The following GPR137C variants were observed in gnomAD, a reference collection of about 807,000 sequenced individuals.
GPR137C encodes the protein G protein-coupled receptor 137C.
GPR137C carries 27 observed loss-of-function variants against 43.4 expected under a neutral mutation model. That is an observed-to-expected ratio of 0.62 (90% CI 0.46 to 0.86). The LOEUF (loss-of-function observed/expected upper bound fraction) is 0.86, where lower values mean the gene tolerates loss of function less well. Among genes scored for constraint, GPR137C ranks in the 40% least tolerant of loss-of-function variants. The probability of loss-of-function intolerance (pLI) is 0.00; values close to 1 mark genes in which losing one functional copy is unlikely to be tolerated. For synonymous variants in GPR137C, 285 were observed against 226.9 expected, an observed-to-expected ratio of 1.26 and a Z score of -2.30; for missense variants, 522 against 534.6, an observed-to-expected ratio of 0.98 and a Z score of 0.23.
chr14:52,621,822 GCTTTTGTTTGTGTATATTATAT>G (rs2039164496), intron 3 of GPR137C, among the ~76,000 whole-genome samples: 2 of 151,416 alleles, frequency 1.3e-5, no homozygotes, highest in South Asian at 4.1e-4. Context: ...ATGCCAGAGA[GCTTTTGTTTGTGTATATTATAT>G]CTATTAATAC....
intron 2 of GPR137C, 27 bp from the exon 3 acceptor site, chr14:52,600,086 C>T: frequency 2.1e-6 from 3 of 1,401,188 alleles, no homozygotes; most frequent in Non-Finnish European, 3.0e-6. Flanking sequence ...AGTTATATAA[C>T]CATCTAATAT....
intron 1 of GPR137C, among the ~76,000 whole-genome samples, chr14:52,595,115 T>C (rs553087068): frequency 1.3e-5 from 2 of 152,318 alleles, no homozygotes; most frequent in Admixed American, 6.5e-5. Context: ...GGGTTGAAAA[T>C]TCTTTTCTTT....
intron 6 of GPR137C, among the ~76,000 whole-genome samples, chr14:52,634,701 C>CAGT (rs924686000): frequency 4.6e-5 from 7 of 152,030 alleles, no homozygotes; most frequent in Non-Finnish European, 7.4e-5. Flanking sequence ...CAAGTTCTAC[C>CAGT]AGTTCTGAGT....
In GPR137C at chr14:52,552,898, T is replaced by G. The variant is rs1194173772; in HGVS notation, c.-250T>G. Among the ~76,000 whole-genome samples the G allele has an allele frequency of 1.3e-5, 2 of 151,570 alleles. No homozygotes were observed. The highest frequency in any genetic ancestry group is 4.8e-5 in the African/African-American group (2 of 41,270). On this transcript the variant is annotated 5_prime_UTR_variant, in exon 1 of 7. Transcript: ENST00000321662. Reference sequence around the variant, plus strand: ...GCTGATTGTCTCCAGCCGAGAGTTGTTTTTTGCAGCTACGGAGCCGAGCCG... The same window carrying G: ...GCTGATTGTCTCCAGCCGAGAGTTGGTTTTTGCAGCTACGGAGCCGAGCCG...
At chr14:52,619,531 A>G (rs931378994) in intron 3 of GPR137C, among the ~76,000 whole-genome samples, 1 of 152,024 alleles carries the variant, frequency 6.6e-6, no homozygotes, top group Non-Finnish European at 1.5e-5. Flanking sequence ...CTTATTTCCT[A>G]TTCTGTTGCT....
intron 1 of GPR137C, among the ~76,000 whole-genome samples, chr14:52,577,570 G>A (rs1383944504): frequency 1.3e-5 from 2 of 149,706 alleles, no homozygotes; most frequent in Non-Finnish European, 3.0e-5. Flanking sequence ...TTGATTCTTG[G>A]CAAAGACAAA....
In GPR137C at chr14:52,591,908, G is replaced by A. The variant is rs577462284; in HGVS notation, c.445-6364G>A. 2.0e-3 allele frequency among the ~76,000 whole-genome samples: 304 copies of A among 152,262 alleles called. 2 individuals carry two copies. Among genetic ancestry groups the A allele is most frequent in the African/African-American group, 6.8e-3 (283 of 41,548 alleles). On this transcript the variant is annotated intron_variant, in intron 1 of 6. Coordinates refer to ENST00000321662, the MANE Select transcript of GPR137C (RefSeq NM_001099652.2). ...TTATGAAGTCTTTGCCCATGCCTAC[G>A]TCCTGAATGGTATTGCCTAGGTTTT...
chr14:52,587,596 C>T (rs1356953739), intron 1 of GPR137C, among the ~76,000 whole-genome samples: 1 of 152,130 alleles, frequency 6.6e-6, no homozygotes, highest in Admixed American at 6.6e-5. Flanking sequence ...CATGGTGAAA[C>T]CCTTTTCTAC....
At chr14:52,554,527 T>C (rs2038162702) in intron 1 of GPR137C, among the ~76,000 whole-genome samples, 1 of 152,114 alleles carries the variant, frequency 6.6e-6, no homozygotes, top group South Asian at 2.1e-4. Context: ...ATTTAAGCCA[T>C]AATATTTTAA....
chr14:52,580,499 C>T (rs2038627715), intron 1 of GPR137C, among the ~76,000 whole-genome samples: 1 of 152,010 alleles, frequency 6.6e-6, no homozygotes, highest in African/African-American at 2.4e-5. Context: ...GTAGCTGGGA[C>T]TGGAGGTGTG....
chr14:52,568,803 T>A (rs978543075), intron 1 of GPR137C, among the ~76,000 whole-genome samples: 1 of 152,144 alleles, frequency 6.6e-6, no homozygotes, highest in African/African-American at 2.4e-5. Flanking sequence ...GTCAGGGGCT[T>A]ATAGAGAAAA....
intron 1 of GPR137C, among the ~76,000 whole-genome samples, chr14:52,570,986 G>A (rs1043375405): frequency 6.6e-6 from 1 of 152,138 alleles, no homozygotes; most frequent in Non-Finnish European, 1.5e-5. Flanking sequence ...GAACCAAGCA[G>A]ACCTAATAGA....
At chr14:52,557,645 A>C (rs865898222) in intron 1 of GPR137C, among the ~76,000 whole-genome samples, 1 of 152,230 alleles carries the variant, frequency 6.6e-6, no homozygotes, top group Non-Finnish European at 1.5e-5. Context: ...TCAGATACAT[A>C]CCTGTAACAA....
chr14:52,564,745 G>T (rs2038340725), intron 1 of GPR137C, among the ~76,000 whole-genome samples: 1 of 152,142 alleles, frequency 6.6e-6, no homozygotes, highest in Non-Finnish European at 1.5e-5. Flanking sequence ...TGTTCTTGCT[G>T]TATTAGGTAT....
intron 3 of GPR137C, among the ~76,000 whole-genome samples, 183 bp from the exon 4 acceptor site, chr14:52,631,977 A>G (rs552832169): frequency 6.6e-6 from 1 of 151,874 alleles, no homozygotes; most frequent in East Asian, 1.9e-4. Context: ...AAACTTACAC[A>G]TATTAAACAC....
chr14:52,568,022 G>A (rs1407193049), intron 1 of GPR137C, among the ~76,000 whole-genome samples: 1 of 152,136 alleles, frequency 6.6e-6, no homozygotes, highest in Non-Finnish European at 1.5e-5. Context: ...AATAGGAACA[G>A]CTCCAGTCTG....
rs947522557 is a variant in GPR137C, at chr14:52,593,326, C to T, written c.445-4946C>T. ...TTGTGTCTCTGCCAGGCCTTTGTGTCGGGATGATGCTGGCCCCATAAAATG... is the reference window on the plus strand; with the variant it reads ...TTGTGTCTCTGCCAGGCCTTTGTGTTGGGATGATGCTGGCCCCATAAAATG... On this transcript the variant is annotated intron_variant, in intron 1 of 6. Coordinates refer to ENST00000321662, the MANE Select transcript of GPR137C (RefSeq NM_001099652.2). Among the ~76,000 whole-genome samples the T allele has an allele frequency of 1.3e-5, 2 of 152,108 alleles. 1 individual carries two copies. Among genetic ancestry groups the T allele is most frequent in the South Asian group, 4.1e-4 (2 of 4,822 alleles).
At chr14:52,615,608 C>A (rs1191530485) in intron 3 of GPR137C, among the ~76,000 whole-genome samples, 1 of 151,734 alleles carries the variant, frequency 6.6e-6, no homozygotes, top group African/African-American at 2.4e-5. Flanking sequence ...AAATATCTTT[C>A]CATTTATTTG....
chr14:52,560,987 A>G (rs2038274407), intron 1 of GPR137C, among the ~76,000 whole-genome samples: 1 of 152,218 alleles, frequency 6.6e-6, no homozygotes, highest in South Asian at 2.1e-4. Context: ...TCCAAAACAT[A>G]AAGAACTTAT....
Sources: gnomAD v4.1 joint callset for allele counts (sites outside exome capture counted in the v4.1 genomes callset) on GRCh38, gnomAD v4.1.1 for gene constraint, MANE v1.5 for transcripts, NCBI Gene and HGNC (gene_info 2026-07-23, HGNC 2026-07-21) for gene names.